The following IMPACT variants were observed in gnomAD, a reference collection of about 807,000 sequenced individuals.
The protein encoded by IMPACT is impact RWD domain protein.
Under a neutral mutation model 47.5 loss-of-function variants are expected in IMPACT, and 35 were observed. That is an observed-to-expected ratio of 0.74 (90% CI 0.56 to 0.98). The LOEUF is 0.98. IMPACT is among the 50% of genes least tolerant of loss of function. IMPACT has a pLI of 0.00. For missense variants in IMPACT, 373 were observed against 394.8 expected, an observed-to-expected ratio of 0.94 and a Z score of 0.47; for synonymous variants, 118 against 125.6, an observed-to-expected ratio of 0.94 and a Z score of 0.40.
chr18:24,450,755 T>C (rs764288748), intron 10 of IMPACT, 24 bp from the exon 11 acceptor site: 2 of 1,523,640 alleles, frequency 1.3e-6, no homozygotes, highest in South Asian at 2.3e-5. Flanking sequence ...GGAGAGATGC[T>C]GCACTGATTT....
rs113563439 is a variant in IMPACT at position 24,442,398 on chromosome 18, C to T, written c.491-651C>T. On this transcript the variant is annotated intron_variant, in intron 6 of 10. Coordinates refer to ENST00000284202, the MANE Select transcript of IMPACT (RefSeq NM_018439.4). ...CAAACTCCTGAACTCAGGTGATCCA[C>T]TCCCTCGGCCTCCCAAAGGGTTGGG... 5.0e-3 allele frequency among the ~76,000 whole-genome samples: 768 copies of T among 152,300 alleles called. 3 individuals carry two copies. Among genetic ancestry groups the T allele is most frequent in the Non-Finnish European group, 7.9e-3 (537 of 68,018 alleles).
chr18:24,430,760 T>C (rs1363964769), intron 4 of IMPACT, among the ~76,000 whole-genome samples: 1 of 152,110 alleles, frequency 6.6e-6, no homozygotes, highest in Non-Finnish European at 1.5e-5. Flanking sequence ...AAAAAAGTTA[T>C]TTGCTAAAAG....
chr18:24,427,023 C>G, intron 1 of IMPACT: 1 of 391,470 alleles, frequency 2.6e-6, no homozygotes, highest in Non-Finnish European at 4.5e-6. Flanking sequence ...GGACGGTGTC[C>G]TCGTCAACCA....
At chr18:24,428,948 G>A in intron 3 of IMPACT, 27 bp downstream of exon 3, 1 of 1,518,550 alleles carries the variant, frequency 6.6e-7, no homozygotes, top group Non-Finnish European at 9.1e-7. Flanking sequence ...CGTTTATATT[G>A]CTATAAAAAG....
At chr18:24,433,993 A>G (rs1908838256) in intron 4 of IMPACT, among the ~76,000 whole-genome samples, 1 of 151,884 alleles carries the variant, frequency 6.6e-6, no homozygotes, top group African/African-American at 2.4e-5. Context: ...TTTTAATCAT[A>G]TTTTCCATAT....
intron 10 of IMPACT, 102 bp from the exon 11 acceptor site, chr18:24,450,677 A>G (rs1027335231): frequency 4.2e-5 from 29 of 685,052 alleles, no homozygotes; most frequent in Non-Finnish European, 1.5e-5. Flanking sequence ...ATGTATGAAT[A>G]TATGTGGAAT....
intron 10 of IMPACT, among the ~76,000 whole-genome samples, 182 bp downstream of exon 10, chr18:24,450,135 A>C (rs551322903): frequency 1.3e-5 from 2 of 152,288 alleles, no homozygotes; most frequent in South Asian, 2.1e-4. Context: ...CTTTGGACCG[A>C]TCACTTAATC....
At chr18:24,433,112 G>A (rs956831708) in intron 4 of IMPACT, among the ~76,000 whole-genome samples, 13 of 149,018 alleles carry the variant, frequency 8.7e-5, no homozygotes, top group Admixed American at 2.7e-4. Context: ...TAATGCGCTC[G>A]AATAACCTTG....
In IMPACT at chr18:24,437,964, C is replaced by G. The variant is rs552047808; in HGVS notation, c.291C>G (p.Ile97Met). 2.6e-6 allele frequency: 4 copies of G among 1,530,790 alleles called. No homozygotes were observed. The African/African-American group carries it at 5.6e-5, about 21-fold the overall frequency. The allele number at this position is 1,530,790 out of a possible 1,614,324, so 94.8% of individuals were successfully genotyped here. ...CCTGAATTTTGTTTAGTCAGAATAT[C>G]GGTGAAAGTATTCTTTACCTGTGGG... ...NSLEEIYIQNIGESILYLWVE... is the reference protein window; with the variant it reads ...NSLEEIYIQNMGESILYLWVE... The change falls in exon 5 of 11, where the codon ATC becomes ATG. Residue 97 changes from isoleucine (I) to methionine (M), a missense_variant. Coordinates refer to ENST00000284202, the MANE Select transcript of IMPACT (RefSeq NM_018439.4).
At position 24,438,018 on chromosome 18, in the gene IMPACT, A is replaced by G. The variant is rs1908993157; in HGVS notation, c.345A>G (p.Gln115=). The G allele has an allele frequency of 6.4e-7, 1 of 1,556,548 alleles. No individual in the cohort carries two copies. Among genetic ancestry groups the G allele is most frequent in the Non-Finnish European group, 8.8e-7 (1 of 1,135,380 alleles). Reference sequence around the variant, plus strand: ...AGAAAATAAGAGATGTTCTTATACAAAAATCTCAGATGACAGAACCAGGTA... The same window carrying G: ...AGAAAATAAGAGATGTTCTTATACAGAAATCTCAGATGACAGAACCAGGTA... The part of the protein sequence containing the change: ...WVEKIRDVLI[Q]KSQMTEPGPD... Residue 115 remains glutamine (Q), a synonymous_variant, in exon 5 of 11, where the codon CAA becomes CAG. Coordinates refer to ENST00000284202, the MANE Select transcript of IMPACT (RefSeq NM_018439.4).
intron 4 of IMPACT, among the ~76,000 whole-genome samples, chr18:24,433,357 G>A (rs1394628238): frequency 4.1e-5 from 6 of 147,908 alleles, no homozygotes; most frequent in South Asian, 2.2e-4. Flanking sequence ...CCGCCACCGC[G>A]CCCGGCTAAT....
chr18:24,442,150 CTTTT>C (rs397965432), intron 6 of IMPACT, among the ~76,000 whole-genome samples: 65 of 116,448 alleles, frequency 5.6e-4, no homozygotes, highest in African/African-American at 1.8e-3. Context: ...ATTAGTGATT[CTTTT>C]TTTTTTTTTT....
chr18:24,435,342 G>A (rs1487179632), intron 4 of IMPACT: 2 of 152,078 alleles, frequency 1.3e-5, no homozygotes, highest in East Asian at 1.9e-4. Context: ...AAAACAAAAA[G>A]TAAATACACT....
chr18:24,438,488 C>T (rs1278761382), intron 5 of IMPACT, among the ~76,000 whole-genome samples: 2 of 152,148 alleles, frequency 1.3e-5, no homozygotes, highest in Non-Finnish European at 2.9e-5. Flanking sequence ...AACAGTTGTT[C>T]AGTGTTTCCT....
intron 4 of IMPACT, chr18:24,435,434 C>G (rs370304549): frequency 4.6e-5 from 7 of 152,224 alleles, no homozygotes; most frequent in African/African-American, 1.7e-4. Flanking sequence ...TTGTGATGCT[C>G]TATTATAGCA....
rs1908615573 is a variant in IMPACT at position 24,426,711 on chromosome 18, C to T, written c.-46C>T. 1 of 1,237,740 alleles carries T rather than the reference C, an allele frequency of 8.1e-7. No homozygotes were observed. Among genetic ancestry groups the T allele is most frequent in the Non-Finnish European group, 1.0e-6 (1 of 988,814 alleles). 76.7% of individuals were successfully genotyped at this position (1,237,740 alleles called of 1,614,324 possible). The stretch of plus-strand genomic sequence containing the variant: ...GCAGCCGCAGCGCCCCGCCCCCGCG[C>T]TCCGGACCTGGCAGGCGGCGGCTGC... On this transcript the variant is annotated 5_prime_UTR_variant, in exon 1 of 11. Transcript: ENST00000284202.
In IMPACT at chr18:24,436,540, T is replaced by TTTTTG. The variant is rs1426683601; in HGVS notation, c.282-1405_282-1401dup. On this transcript the variant is annotated intron_variant, in intron 4 of 10. Coordinates refer to ENST00000284202, the MANE Select transcript of IMPACT (RefSeq NM_018439.4). ...TGAGCTGCCACATCTGGCCTGTTTT[T>TTTTTG]TTTTGTTTTGTTTTTGTTTTTGTTT... 2.6e-5 allele frequency among the ~76,000 whole-genome samples: 4 copies of TTTTTG among 151,874 alleles called. No individual in the cohort carries two copies. The South Asian group carries it at 8.4e-4, about 32-fold the overall frequency.
chr18:24,428,693 A>C (rs1378458083), intron 2 of IMPACT, among the ~76,000 whole-genome samples, 176 bp from the exon 3 acceptor site: 1 of 152,222 alleles, frequency 6.6e-6, no homozygotes, highest in Non-Finnish European at 1.5e-5. Flanking sequence ...TACCCAGAAA[A>C]TATTATAATG....
In IMPACT at chr18:24,428,010, A is replaced by G; in HGVS notation, c.128A>G (p.Asp43Gly). 6.3e-7 allele frequency: 1 copy of G among 1,598,314 alleles called. No individual in the cohort carries two copies. Among genetic ancestry groups the G allele is most frequent in the Non-Finnish European group, 8.5e-7 (1 of 1,175,620 alleles). Residue 43 changes from aspartate (D) to glycine (G), a missense_variant, in exon 2 of 11, where the codon GAC (aspartate) becomes GGC (glycine). By Grantham distance (94) the Asp-to-Gly change is moderately conservative. Transcript: ENST00000284202. Reference protein sequence around the residue: ...CAKIFCIRISDDIDDPKWTLC... With the variant: ...CAKIFCIRISGDIDDPKWTLC... Reference sequence around the variant, plus strand: ...AAAATATTTTGTATTAGAATTAGCGACGATATAGATGACCCCAAATGGACA... The same window carrying G: ...AAAATATTTTGTATTAGAATTAGCGGCGATATAGATGACCCCAAATGGACA...
Sources: gnomAD v4.1 joint callset for allele counts (sites outside exome capture counted in the v4.1 genomes callset) on GRCh38, gnomAD v4.1.1 for gene constraint, MANE v1.5 for transcripts, NCBI Gene and HGNC (gene_info 2026-07-23, HGNC 2026-07-21) for gene names.